Variants in HSD17B4 observed in about 807,000 individuals in gnomAD.
HSD17B4 encodes hydroxysteroid 17-beta dehydrogenase 4.
In HSD17B4, 70 loss-of-function variants were observed where a neutral mutation model predicts 101.0. That is an observed-to-expected ratio of 0.69 (90% CI 0.57 to 0.85). The LOEUF (loss-of-function observed/expected upper bound fraction) is 0.85, where lower values mean the gene tolerates loss of function less well. Ranked by LOEUF, HSD17B4 falls within the 40% of genes least tolerant of loss-of-function variation. HSD17B4 has a pLI of 0.00. For synonymous variants in HSD17B4, 347 were observed against 297.1 expected (o/e 1.17, Z -1.73); for missense variants, 984 against 892.4 (o/e 1.10, Z -1.31).
intron 9 of HSD17B4, among the ~76,000 whole-genome samples, chr5:119,491,710 A>G (rs886899937): frequency 6.6e-5 from 10 of 152,172 alleles, no homozygotes; most frequent in African/African-American, 2.4e-4. Flanking sequence ...TATGCTAGGC[A>G]GTGTACTATT....
chr5:119,491,942 T>TG (rs1172210139), intron 9 of HSD17B4, among the ~76,000 whole-genome samples, 158 bp from the exon 10 acceptor site: 8 of 152,158 alleles, frequency 5.3e-5, no homozygotes, highest in Non-Finnish European at 8.8e-5. Context: ...TGCAAAGTCA[T>TG]GGGGGCCAGT....
At chr5:119,470,402 G>T (rs1353042525) in intron 2 of HSD17B4, among the ~76,000 whole-genome samples, 1 of 152,092 alleles carries the variant, frequency 6.6e-6, no homozygotes, top group African/African-American at 2.4e-5. Flanking sequence ...TACCAAAATG[G>T]TGTCATACTG....
chr5:119,499,556 A>G lies in HSD17B4; in HGVS notation c.1209+3A>G. The G allele has an allele frequency of 1.9e-6, 3 of 1,555,780 alleles. No individual in the cohort carries two copies. The highest frequency in any genetic ancestry group is 2.7e-6 in the Non-Finnish European group (3 of 1,127,048). ...GACTTTCAATCAACTTTGCAAAGGTATGCCTAATAAAAAACCTTTATTTTG... is the reference window on the plus strand; with the variant it reads ...GACTTTCAATCAACTTTGCAAAGGTGTGCCTAATAAAAAACCTTTATTTTG... On this transcript the variant is annotated splice_donor_region_variant and intron_variant, in intron 13 of 23. Transcript: ENST00000510025.
chr5:119,473,182 A>C (rs1366993944), intron 2 of HSD17B4, among the ~76,000 whole-genome samples: 1 of 147,722 alleles, frequency 6.8e-6, no homozygotes, highest in East Asian at 2.0e-4. Flanking sequence ...AGTAGGATTG[A>C]TCGATCTTAT....
At chr5:119,499,601 A>G in intron 13 of HSD17B4, 48 bp downstream of exon 13, 1 of 1,026,008 alleles carries the variant, frequency 9.7e-7, no homozygotes, top group Non-Finnish European at 1.6e-6. Flanking sequence ...TTCTGTAAAT[A>G]TTATTCATTA....
intron 1 of HSD17B4, among the ~76,000 whole-genome samples, chr5:119,454,354 G>A (rs1461568909): frequency 6.6e-6 from 1 of 150,972 alleles, no homozygotes; most frequent in Non-Finnish European, 1.5e-5. Context: ...TACCCAGGCT[G>A]GAGTGCAGTG....
At chr5:119,464,323 C>T (rs1435897135) in intron 2 of HSD17B4, among the ~76,000 whole-genome samples, 2 of 151,868 alleles carry the variant, frequency 1.3e-5, no homozygotes, top group South Asian at 2.1e-4. Context: ...AGTTTCAGGT[C>T]TTATGTTTAG....
At chr5:119,477,803 A>C (rs1748731203) in intron 7 of HSD17B4, 1 of 351,300 alleles carries the variant, frequency 2.8e-6, no homozygotes, top group Non-Finnish European at 5.4e-6. Flanking sequence ...TCCAGGCTGG[A>C]GTACAGTGGC....
chr5:119,525,821 CAGTCTA>C (rs1318874195), intron 18 of HSD17B4, 90 bp from the exon 19 acceptor site: 1 of 766,976 alleles, frequency 1.3e-6, no homozygotes, highest in African/African-American at 1.7e-5. Context: ...CCTGCTAATG[CAGTCTA>C]AGGACATTTT....
chr5:119,541,491 G>T (rs753640185), intron 23 of HSD17B4, among the ~76,000 whole-genome samples: 2 of 152,182 alleles, frequency 1.3e-5, no homozygotes, highest in East Asian at 3.9e-4. Flanking sequence ...TTGTCATTTC[G>T]TGGCTTTCTA....
intron 8 of HSD17B4, among the ~76,000 whole-genome samples, chr5:119,481,540 T>G (rs887609630): frequency 6.6e-6 from 1 of 152,182 alleles, no homozygotes; most frequent in Non-Finnish European, 1.5e-5. Context: ...TCATATAAAT[T>G]TTTTGGTTTC....
At chr5:119,466,160 C>G (rs1414838791) in intron 2 of HSD17B4, among the ~76,000 whole-genome samples, 1 of 152,180 alleles carries the variant, frequency 6.6e-6, no homozygotes, top group African/African-American at 2.4e-5. Flanking sequence ...GGCTAAATCT[C>G]ACTTGATTGT....
chr5:119,520,699 A>C (rs552554831), intron 17 of HSD17B4, among the ~76,000 whole-genome samples: 1 of 151,926 alleles, frequency 6.6e-6, no homozygotes, highest in South Asian at 2.1e-4. Context: ...TTTTCTTTAT[A>C]ATTTTTCTAG....
At chr5:119,458,814 C>T (rs1174793668) in intron 2 of HSD17B4, among the ~76,000 whole-genome samples, 1 of 151,960 alleles carries the variant, frequency 6.6e-6, no homozygotes, top group African/African-American at 2.4e-5. Flanking sequence ...GTGTAAATTA[C>T]ATCTTTCAGG....
chr5:119,495,039 G>GT (rs34680033), intron 11 of HSD17B4, among the ~76,000 whole-genome samples: 13,243 of 148,448 alleles, frequency 0.089, 1,447 homozygotes, highest in East Asian at 0.42. Flanking sequence ...TGACTATTCG[G>GT]TTTTTTTTTT....
intron 23 of HSD17B4, among the ~76,000 whole-genome samples, chr5:119,540,261 G>C (rs1754878099): frequency 6.6e-6 from 1 of 152,182 alleles, no homozygotes; most frequent in African/African-American, 2.4e-5. Context: ...TGTTCAACCA[G>C]TATGACTGTA....
At chr5:119,500,860 A>G (rs1231261033) in intron 13 of HSD17B4, among the ~76,000 whole-genome samples, 2 of 152,174 alleles carry the variant, frequency 1.3e-5, no homozygotes, top group Non-Finnish European at 1.5e-5. Flanking sequence ...TCTTTGAGAC[A>G]GGGTATATTT....
At chr5:119,459,795 A>G (rs928606230) in intron 2 of HSD17B4, among the ~76,000 whole-genome samples, 2 of 151,930 alleles carry the variant, frequency 1.3e-5, no homozygotes, top group South Asian at 2.1e-4. Flanking sequence ...CGATTAATCT[A>G]TTAGTCCATG....
chr5:119,519,913 G>C (rs1194425229), intron 17 of HSD17B4, among the ~76,000 whole-genome samples: 1 of 151,996 alleles, frequency 6.6e-6, no homozygotes, highest in Admixed American at 6.5e-5. Context: ...TACATCCTCT[G>C]GTCTCATAAT....
Sources: allele counts gnomAD v4.1 joint callset (sites outside exome capture counted in the v4.1 genomes callset), GRCh38; gene constraint gnomAD v4.1.1; transcripts MANE v1.5; gene names NCBI Gene and HGNC (gene_info 2026-07-23, HGNC 2026-07-21).